Variants in OCA2 observed in about 807,000 individuals in gnomAD.
OCA2 encodes the protein OCA2 melanosomal transmembrane protein, also known as P protein.
OCA2 carries 77 observed loss-of-function variants against 100.2 expected under a neutral mutation model. The observed-to-expected ratio is 0.77, with a 90% CI of 0.64 to 0.93. The LOEUF is 0.93. Among genes scored for constraint, OCA2 ranks in the 40% least tolerant of loss-of-function variants. OCA2 has a pLI of 0.00. For synonymous variants in OCA2, 432 were observed against 439.2 expected (o/e 0.98, Z 0.21); for missense variants, 1,062 against 1,089.1 (o/e 0.98, Z 0.35).
At chr15:27,991,872 G>C (rs1445408994) in intron 9 of OCA2, among the ~76,000 whole-genome samples, 2 of 152,054 alleles carry the variant, frequency 1.3e-5, no homozygotes, top group Non-Finnish European at 2.9e-5. Context: ...CCCTTTACCA[G>C]TAATTACCTG....
At chr15:27,756,759 C>A (rs992147234) in intron 23 of OCA2, among the ~76,000 whole-genome samples, 2 of 152,096 alleles carry the variant, frequency 1.3e-5, no homozygotes, top group Non-Finnish European at 2.9e-5. Context: ...AATCTCAATC[C>A]GGGTGCTGAG....
chr15:27,887,148 C>T (rs946549572), intron 19 of OCA2, among the ~76,000 whole-genome samples: 12 of 152,332 alleles, frequency 7.9e-5, no homozygotes, highest in African/African-American at 2.6e-4. Context: ...CTGCCATGAT[C>T]GTGAGGCCTC....
At chr15:27,841,373 GACTGCATCAATGGC>G (rs971876191) in intron 23 of OCA2, among the ~76,000 whole-genome samples, 11 of 152,170 alleles carry the variant, frequency 7.2e-5, no homozygotes, top group African/African-American at 2.7e-4. Context: ...TCTGTGCCTT[GACTGCATCAATGGC>G]AGCATCCTGG....
intron 18 of OCA2, among the ~76,000 whole-genome samples, chr15:27,934,475 C>T (rs1195517724): frequency 6.6e-6 from 1 of 152,214 alleles, no homozygotes; most frequent in Non-Finnish European, 1.5e-5. Context: ...CAGATCACCA[C>T]ATCTTTTCTT....
chr15:27,734,309 T>G, the OCA2 span, among the ~76,000 whole-genome samples: 12 of 61,966 alleles, frequency 1.9e-4, no homozygotes, highest in South Asian at 4.1e-4. Context: ...AAAAAAAAAA[T>G]GAGAGATCAT....
rs188540004 is a variant in OCA2 at position 28,015,292 on chromosome 15, C to T, written c.891-363G>A. Among the ~76,000 whole-genome samples the T allele has an allele frequency of 2.0e-5, 3 of 152,270 alleles. No homozygotes were observed. In the East Asian group the frequency reaches 5.8e-4, roughly 29 times the overall value. ...AAAGCCAGCTATTTGAACTCCAGTC[C>T]CTGAGAGTGGGGAGACGCACTACAG... On this transcript the variant is annotated intron_variant, in intron 8 of 23. Transcript: ENST00000354638.
At chr15:27,911,959 T>G (rs1257425182) in intron 19 of OCA2, among the ~76,000 whole-genome samples, 3 of 152,114 alleles carry the variant, frequency 2.0e-5, no homozygotes, top group African/African-American at 7.2e-5. Flanking sequence ...ACAAATACTG[T>G]AGTTGAGTTA....
intron 14 of OCA2, among the ~76,000 whole-genome samples, chr15:27,972,068 G>A (rs905124668): frequency 2.6e-5 from 4 of 152,118 alleles, no homozygotes; most frequent in Admixed American, 6.6e-5. Flanking sequence ...GAGAACATGC[G>A]GTATTTGCTT....
intron 2 of OCA2, among the ~76,000 whole-genome samples, chr15:28,076,679 C>G (rs2044436137): frequency 6.6e-6 from 1 of 150,774 alleles, no homozygotes; most frequent in Non-Finnish European, 1.5e-5. Context: ...AACCCCGTCT[C>G]TACTAAAAAT....
chr15:27,861,996 C>G (rs575942508), intron 21 of OCA2, among the ~76,000 whole-genome samples: 1 of 152,358 alleles, frequency 6.6e-6, no homozygotes, highest in Admixed American at 6.5e-5. Context: ...GTGGCCACGG[C>G]GTCACGTGGA....
At chr15:27,891,271 A>T (rs2037449506) in intron 19 of OCA2, among the ~76,000 whole-genome samples, 1 of 152,188 alleles carries the variant, frequency 6.6e-6, no homozygotes, top group African/African-American at 2.4e-5. Context: ...TAGTCCTCTG[A>T]GCAACCACTC....
rs753721437 is a variant in OCA2 at position 27,966,812 on chromosome 15, A to G, written c.1514T>C (p.Phe505Ser). ...GAACATGTGTGCAGTGAATCCGGCA[A>G]AGTCCAGGCCCTGGAAATAAACAAG... ...NQELRKMGLD[F>S]AGFTAHMFIG... The change falls in exon 15 of 24, where the codon TTT becomes TCT. Residue 505 changes from phenylalanine (F) to serine (S), a missense_variant. Phe to Ser is a radical substitution (Grantham distance 155, BLOSUM62 -2). Coordinates refer to ENST00000354638, the MANE Select transcript of OCA2 (RefSeq NM_000275.3). The G allele has an allele frequency of 6.2e-7, 1 of 1,611,538 alleles. No homozygotes were observed. The highest frequency in any genetic ancestry group is 2.2e-5 in the East Asian group (1 of 44,866).
At chr15:27,965,885 A>G (rs1025032604) in intron 15 of OCA2, among the ~76,000 whole-genome samples, 1 of 152,242 alleles carries the variant, frequency 6.6e-6, no homozygotes, top group Non-Finnish European at 1.5e-5. Flanking sequence ...AAAGTGTTTT[A>G]GTGATGAAAA....
chr15:27,726,213 G>A, the OCA2 span, among the ~76,000 whole-genome samples: 9 of 151,958 alleles, frequency 5.9e-5, no homozygotes, highest in African/African-American at 1.4e-4. Context: ...CAGGAGAATC[G>A]CTCTAATCTG....
chr15:27,819,578 G>A lies in OCA2; in HGVS notation c.2432+25381C>T, dbSNP rs186540368. ...ACAGATGGTGGATGATGGGAATTAG[G>A]TTTCTCCCTGTTGGAGAGGGAGATT... is the stretch of plus-strand genomic sequence containing the variant. On this transcript the variant is annotated intron_variant, in intron 23 of 23. Transcript: ENST00000354638. 2.4e-4 allele frequency among the ~76,000 whole-genome samples: 36 copies of A among 152,296 alleles called. No homozygotes were observed. The East Asian group carries it at 4.8e-3, about 20-fold the overall frequency.
chr15:27,762,407 C>A (rs1307935887), intron 23 of OCA2, among the ~76,000 whole-genome samples: 2 of 152,184 alleles, frequency 1.3e-5, no homozygotes, highest in Admixed American at 1.3e-4. Context: ...ACCTCAAAAA[C>A]CTAAAATAAG....
intron 23 of OCA2, among the ~76,000 whole-genome samples, chr15:27,813,971 T>A (rs2034179531): frequency 6.6e-6 from 1 of 152,248 alleles, no homozygotes; most frequent in Non-Finnish European, 1.5e-5. Context: ...CACATTCATG[T>A]AATGTGTAAA....
intron 23 of OCA2, among the ~76,000 whole-genome samples, chr15:27,833,831 A>G (rs1277888401): frequency 1.3e-5 from 2 of 152,156 alleles, no homozygotes; most frequent in African/African-American, 4.8e-5. Context: ...TCACCCCAGC[A>G]TCCATGGAGG....
At chr15:27,839,766 ATAAG>A (rs2035279349) in intron 23 of OCA2, among the ~76,000 whole-genome samples, 2 of 152,248 alleles carry the variant, frequency 1.3e-5, no homozygotes, top group East Asian at 1.9e-4. Flanking sequence ...TGGACAAAAA[ATAAG>A]TAAGGATATA....
Sources: allele counts gnomAD v4.1 joint callset (sites outside exome capture counted in the v4.1 genomes callset), GRCh38; gene constraint gnomAD v4.1.1; transcripts MANE v1.5; gene names NCBI Gene and HGNC (gene_info 2026-07-23, HGNC 2026-07-21).